Variants in NALCN observed in about 807,000 individuals in gnomAD.
NALCN encodes the protein sodium leak channel NALCN.
A neutral mutation model predicts 225.3 loss-of-function variants in NALCN; 111 were observed. That is an observed-to-expected ratio of 0.49 (90% CI 0.42 to 0.58). The LOEUF (loss-of-function observed/expected upper bound fraction) is 0.58, where lower values mean the gene tolerates loss of function less well. Ranked by LOEUF, NALCN falls within the 20% of genes least tolerant of loss-of-function variation. The pLI is 0.00. For synonymous variants in NALCN, 764 were observed against 769.0 expected (o/e 0.99, Z 0.11); for missense variants, 1,378 against 2,202.4 (o/e 0.63, Z 7.49).
chr13:101,156,172 TTTTG>T (rs150589652), intron 15 of NALCN, among the ~76,000 whole-genome samples: 5,339 of 150,898 alleles, frequency 0.035, 290 homozygotes, highest in African/African-American at 0.12. Flanking sequence ...CTTCTATCTA[TTTTG>T]TTTGTTTGTT....
intron 26 of NALCN, 78 bp downstream of exon 26, chr13:101,103,094 C>T (rs2139607277): frequency 1.3e-6 from 2 of 1,520,746 alleles, no homozygotes; most frequent in East Asian, 2.3e-5. Context: ...CCTCAATAAG[C>T]AAGACTCACT....
At chr13:101,194,084 C>T (rs1467562152) in intron 13 of NALCN, among the ~76,000 whole-genome samples, 2 of 152,154 alleles carry the variant, frequency 1.3e-5, no homozygotes, top group African/African-American at 4.8e-5. Context: ...TTTCAGCTGT[C>T]TTGGGCATGA....
intron 15 of NALCN, among the ~76,000 whole-genome samples, chr13:101,146,330 C>T (rs184390434): frequency 2.0e-4 from 31 of 152,298 alleles, no homozygotes; most frequent in African/African-American, 7.0e-4. Context: ...TTCCTCCCTT[C>T]CTAACTGGAG....
intron 17 of NALCN, among the ~76,000 whole-genome samples, chr13:101,141,641 G>A (rs2037082060): frequency 6.6e-6 from 1 of 151,756 alleles, no homozygotes; most frequent in African/African-American, 2.4e-5. Context: ...AGGAGAAAAG[G>A]GGGAGGTGAA....
chr13:101,229,360 G>GTTT (rs2041260920), intron 13 of NALCN, 33 bp downstream of exon 13: 1 of 1,485,036 alleles, frequency 6.7e-7, no homozygotes, highest in Admixed American at 2.4e-5. Flanking sequence ...TAAGAACAAT[G>GTTT]AATTTAACTT....
At position 101,104,853 on chromosome 13, in the gene NALCN, A is replaced by T. The variant is rs1178710659; in HGVS notation, c.2636+41T>A. The T allele has an allele frequency of 1.2e-6, 2 of 1,607,758 alleles. No homozygotes were observed. The highest frequency in any genetic ancestry group is 1.7e-6 in the Non-Finnish European group (2 of 1,174,780). On this transcript the variant is annotated intron_variant, in intron 23 of 43. Coordinates refer to ENST00000251127, the MANE Select transcript of NALCN (RefSeq NM_052867.4). The surrounding 1 kb of genome is among the most constrained non-coding windows in gnomAD (Gnocchi z 4.2). ...TATGCAGCATAAAATAGTACATGAAAACTTTAAATGTGCATGGAAAATGAA... is the reference window on the plus strand; with the variant it reads ...TATGCAGCATAAAATAGTACATGAATACTTTAAATGTGCATGGAAAATGAA...
chr13:101,225,446 C>T (rs980149127), intron 13 of NALCN, among the ~76,000 whole-genome samples: 2 of 152,182 alleles, frequency 1.3e-5, no homozygotes, highest in African/African-American at 4.8e-5. Flanking sequence ...CCTTTAATGG[C>T]TGCCTTATGT....
At chr13:101,055,699 T>C (rs1480434857) in intron 43 of NALCN, among the ~76,000 whole-genome samples, 4 of 152,064 alleles carry the variant, frequency 2.6e-5, no homozygotes, top group East Asian at 1.9e-4. Flanking sequence ...ATGATGTCAT[T>C]TGGGAAAAAA....
In NALCN at chr13:101,345,357, G is replaced by T; in HGVS notation, c.708C>A (p.Gly236=). ...ATTTAAATCCAGGTGGGCACTGGTAGCCTTCTTCTAGCTCTGGTGAGCAGT... is the reference window on the plus strand; with the variant it reads ...ATTTAAATCCAGGTGGGCACTGGTATCCTTCTTCTAGCTCTGGTGAGCAGT... ...DTHCSPELEE[G]YQCPPGFKCM... The change falls in exon 7 of 44, where the codon GGC becomes GGA. Residue 236 remains glycine, a synonymous_variant. Transcript: ENST00000251127. The T allele has an allele frequency of 1.2e-6, 2 of 1,613,798 alleles. No individual in the cohort carries two copies. The highest frequency in any genetic ancestry group is 1.7e-6 in the Non-Finnish European group (2 of 1,179,806).
At chr13:101,171,488 A>G (rs985352301) in intron 15 of NALCN, among the ~76,000 whole-genome samples, 1 of 152,056 alleles carries the variant, frequency 6.6e-6, no homozygotes, top group South Asian at 2.1e-4. Context: ...GGATGCTGAA[A>G]AGAGAAATAT....
intron 7 of NALCN, among the ~76,000 whole-genome samples, chr13:101,316,470 CTATT>C (rs1464723117): frequency 1.3e-5 from 2 of 152,106 alleles, no homozygotes; most frequent in Non-Finnish European, 2.9e-5. Context: ...TCTAAATTAC[CTATT>C]TATTTCATGT....
At chr13:101,408,822 T>C (rs189425270) in intron 1 of NALCN, among the ~76,000 whole-genome samples, 114 of 152,246 alleles carry the variant, frequency 7.5e-4, no homozygotes, top group African/African-American at 2.6e-3. Context: ...CCCAGCAGAC[T>C]TCAAGGGCTA....
chr13:101,170,729 C>G (rs953552060), intron 15 of NALCN, among the ~76,000 whole-genome samples: 1 of 152,126 alleles, frequency 6.6e-6, no homozygotes, highest in South Asian at 2.1e-4. Context: ...TAAATTGGAA[C>G]CAGGATTCAA....
chr13:101,141,879 A>G (rs2037097658), intron 17 of NALCN, among the ~76,000 whole-genome samples: 1 of 152,172 alleles, frequency 6.6e-6, no homozygotes, highest in Non-Finnish European at 1.5e-5. Context: ...AAAGGAATAA[A>G]AAACACTCTA....
At chr13:101,160,123 T>TG (rs1380295572) in intron 15 of NALCN, among the ~76,000 whole-genome samples, 2 of 151,850 alleles carry the variant, frequency 1.3e-5, no homozygotes, top group African/African-American at 4.8e-5. Context: ...CCTGACTAAT[T>TG]TTTTGTATTT....
intron 7 of NALCN, among the ~76,000 whole-genome samples, chr13:101,311,288 T>A (rs1294695571): frequency 2.0e-5 from 3 of 151,800 alleles, no homozygotes; most frequent in Non-Finnish European, 4.4e-5. Flanking sequence ...TCTAGATATA[T>A]AATCATGTCA....
intron 13 of NALCN, among the ~76,000 whole-genome samples, chr13:101,218,876 T>G (rs1251301499): frequency 2.0e-5 from 3 of 152,140 alleles, no homozygotes; most frequent in Admixed American, 1.3e-4. Context: ...CTCTCTTCTT[T>G]GTAATTACCC....
chr13:101,271,776 T>C (rs2042786349), intron 10 of NALCN, among the ~76,000 whole-genome samples: 1 of 151,900 alleles, frequency 6.6e-6, no homozygotes, highest in Non-Finnish European at 1.5e-5. Context: ...TATAAGCGTG[T>C]GTATGCATGT....
chr13:101,127,699 T>C (rs1200544587), intron 17 of NALCN, among the ~76,000 whole-genome samples: 1 of 150,412 alleles, frequency 6.6e-6, no homozygotes, highest in Non-Finnish European at 1.5e-5. Context: ...CACACACACA[T>C]ATATATGTCT....
Sources: allele counts gnomAD v4.1 joint callset (sites outside exome capture counted in the v4.1 genomes callset), GRCh38; gene constraint gnomAD v4.1.1; non-coding constraint Gnocchi (gnomAD v3.1); transcripts MANE v1.5; gene names NCBI Gene and HGNC (gene_info 2026-07-23, HGNC 2026-07-21).